Variants in MBD5 observed in about 807,000 individuals in gnomAD.
The protein encoded by MBD5 is methyl-CpG binding domain protein 5, also known as methyl-CpG-binding domain protein 5.
MBD5 carries 13 observed loss-of-function variants against 117.3 expected under a neutral mutation model. The ratio of observed to expected loss-of-function variants is 0.11; its 90% CI spans 0.07 to 0.18. The LOEUF (loss-of-function observed/expected upper bound fraction) is 0.18, where lower values mean the gene tolerates loss of function less well. Ranked by LOEUF, MBD5 falls within the 10% of genes least tolerant of loss-of-function variation. The pLI, the probability that MBD5 is intolerant of heterozygous loss-of-function variation, is 1.00. For missense variants in MBD5, 1,879 were observed against 2,093.8 expected (o/e 0.90, Z 2.00); for synonymous variants, 727 against 766.4 (o/e 0.95, Z 0.85).
intron 4 of MBD5, among the ~76,000 whole-genome samples, chr2:148,410,799 G>A (rs1705224794): frequency 6.6e-6 from 1 of 152,148 alleles, no homozygotes; most frequent in Non-Finnish European, 1.5e-5. Flanking sequence ...TTTTCCCCAG[G>A]CTATCAGTCG....
chr2:148,277,965 A>G (rs116182219), intron 3 of MBD5, among the ~76,000 whole-genome samples: 5,420 of 152,278 alleles, frequency 0.036, 161 homozygotes, highest in Middle Eastern at 0.13. Context: ...GCTTGTGTAC[A>G]CATTCATTGA....
chr2:148,460,144 G>T (rs1707023502), intron 5 of MBD5: 1 of 152,062 alleles, frequency 6.6e-6, no homozygotes, highest in Non-Finnish European at 1.5e-5. Flanking sequence ...AAGAGCAAAT[G>T]TATATTCAGC....
At chr2:148,477,463 T>G (rs1390072079) in intron 8 of MBD5, among the ~76,000 whole-genome samples, 1 of 152,170 alleles carries the variant, frequency 6.6e-6, no homozygotes, top group African/African-American at 2.4e-5. Context: ...TATATCAGAA[T>G]CCAGAGCACA....
At position 148,227,594 on chromosome 2, in the gene MBD5, T is replaced by C. The variant is rs1699865684; in HGVS notation, c.-830-5651T>C. On this transcript the variant is annotated intron_variant, in intron 2 of 13. Coordinates refer to ENST00000642680, the MANE Select transcript of MBD5 (RefSeq NM_001378120.1). Reference sequence around the variant, plus strand: ...TTGGCTTAGGATTGACTTGGCAATGTGGGCTCTATTTTGGTTCCATATGAA... The same window carrying C: ...TTGGCTTAGGATTGACTTGGCAATGCGGGCTCTATTTTGGTTCCATATGAA... 2.0e-5 allele frequency among the ~76,000 whole-genome samples: 3 copies of C among 152,142 alleles called. No individual in the cohort carries two copies. In the South Asian group the frequency reaches 6.2e-4, roughly 32 times the overall value.
chr2:148,377,364 A>G (rs1704019557), intron 4 of MBD5, among the ~76,000 whole-genome samples: 1 of 152,150 alleles, frequency 6.6e-6, no homozygotes, highest in Admixed American at 6.5e-5. Context: ...CCACTGACTC[A>G]AATGTTAATC....
chr2:148,290,756 T>C lies in MBD5; in HGVS notation c.-679-51458T>C, dbSNP rs979469475. On this transcript the variant is annotated intron_variant, in intron 3 of 13. Coordinates refer to ENST00000642680, the MANE Select transcript of MBD5 (RefSeq NM_001378120.1). ...AATATACCACATTTCATTTTATTCATCAATTGATGAATATTTGAGTAGTTT... is the reference window on the plus strand; with the variant it reads ...AATATACCACATTTCATTTTATTCACCAATTGATGAATATTTGAGTAGTTT... Among the ~76,000 whole-genome samples, 6 of 152,322 alleles carry C rather than the reference T, an allele frequency of 3.9e-5. No individual in the cohort carries two copies. In the South Asian group the frequency reaches 1.2e-3, roughly 32 times the overall value.
intron 1 of MBD5, among the ~76,000 whole-genome samples, chr2:148,145,224 T>C (rs1453402426): frequency 6.6e-6 from 1 of 152,078 alleles, no homozygotes; most frequent in African/African-American, 2.4e-5. Context: ...TGAATGGGAG[T>C]TCCCTCATGT....
intron 4 of MBD5, among the ~76,000 whole-genome samples, chr2:148,447,172 GAAGAAGGAAAGAAAGA>G (rs1231974937): frequency 2.0e-4 from 13 of 63,624 alleles, no homozygotes; most frequent in African/African-American, 8.7e-4. Context: ...AGGAAGAAAG[GAAGAAGGAAAGAAAGA>G]AAGAAAGAAA....
rs1479831326 is a variant in MBD5, at chr2:148,469,298, G to A, written c.1355G>A (p.Arg452Lys). 1 of 1,613,886 alleles carries A rather than the reference G, an allele frequency of 6.2e-7. No homozygotes were observed. Among genetic ancestry groups the A allele is most frequent in the Non-Finnish European group, 8.5e-7 (1 of 1,179,958 alleles). Residue 452 changes from arginine (R) to lysine (K), a missense_variant, in exon 8 of 14, where the codon AGG becomes AAG. Around this residue, in one of 4 missense-constraint regions of MBD5, gnomAD observed 1,666 missense variants for 1,792.2 expected, o/e 0.93. Transcript: ENST00000642680. ...CACATGATGGGGACTGGAATTGGAA[G>A]GATTGAGGCATCGCCCCAAAGATCA... Reference protein sequence around the residue: ...PVHMMGTGIGRIEASPQRSRS... With the variant: ...PVHMMGTGIGKIEASPQRSRS...
chr2:148,209,810 T>C (rs1699376619), intron 2 of MBD5, among the ~76,000 whole-genome samples: 1 of 151,978 alleles, frequency 6.6e-6, no homozygotes, highest in African/African-American at 2.4e-5. Flanking sequence ...GCTACATACT[T>C]TTAAACAACC....
intron 1 of MBD5, among the ~76,000 whole-genome samples, chr2:148,148,471 A>G (rs976427995): frequency 6.6e-6 from 1 of 152,258 alleles, no homozygotes; most frequent in Non-Finnish European, 1.5e-5. Context: ...TCTTTGGATT[A>G]TTTTAAGTTT....
intron 2 of MBD5, among the ~76,000 whole-genome samples, chr2:148,219,662 A>G (rs1166154084): frequency 1.3e-5 from 2 of 152,180 alleles, no homozygotes; most frequent in Admixed American, 6.5e-5. Context: ...AAAATTCAGT[A>G]TTGTGTAACT....
intron 4 of MBD5, among the ~76,000 whole-genome samples, chr2:148,400,197 C>T (rs897948905): frequency 6.6e-6 from 1 of 151,760 alleles, no homozygotes; most frequent in African/African-American, 2.4e-5. Flanking sequence ...TTGATAGAAT[C>T]CTTTTTTAAC....
intron 3 of MBD5, among the ~76,000 whole-genome samples, chr2:148,317,238 G>A (rs1258349940): frequency 1.3e-5 from 2 of 151,798 alleles, no homozygotes; most frequent in African/African-American, 4.8e-5. Flanking sequence ...GCATGGTGGC[G>A]CATGCCTGTA....
At chr2:148,348,692 C>T (rs1012079247) in intron 4 of MBD5, among the ~76,000 whole-genome samples, 21 of 151,980 alleles carry the variant, frequency 1.4e-4, no homozygotes, top group African/African-American at 5.1e-4. Flanking sequence ...TTTGTGTTAA[C>T]AGAAGGGGTT....
intron 3 of MBD5, among the ~76,000 whole-genome samples, chr2:148,326,095 C>T (rs1177087030): frequency 1.3e-5 from 2 of 151,972 alleles, no homozygotes; most frequent in Non-Finnish European, 2.9e-5. Context: ...CGTTATGTAC[C>T]CAGTAGTCAT....
intron 1 of MBD5, among the ~76,000 whole-genome samples, chr2:148,151,641 G>C (rs1242231205): frequency 6.6e-6 from 1 of 152,102 alleles, no homozygotes; most frequent in African/African-American, 2.4e-5. Flanking sequence ...TCTATTCAGA[G>C]ATTCAACTTC....
chr2:148,443,388 C>T (rs990000561), intron 4 of MBD5, among the ~76,000 whole-genome samples: 1 of 151,236 alleles, frequency 6.6e-6, no homozygotes, highest in Non-Finnish European at 1.5e-5. Context: ...CAATCTCACT[C>T]CTAGGTAGAT....
intron 1 of MBD5, among the ~76,000 whole-genome samples, chr2:148,115,368 C>T (rs1237401453): frequency 1.3e-5 from 2 of 152,166 alleles, no homozygotes; most frequent in Admixed American, 1.3e-4. Context: ...CACTGACATG[C>T]TGTGTAATTT....
Sources: allele counts gnomAD v4.1 joint callset (sites outside exome capture counted in the v4.1 genomes callset), GRCh38; gene constraint gnomAD v4.1.1; regional missense constraint gnomAD v4.1.1; transcripts MANE v1.5; gene names NCBI Gene and HGNC (gene_info 2026-07-23, HGNC 2026-07-21).